CR2: variants seen among roughly 807,000 people sequenced by gnomAD.
The protein encoded by CR2 is complement C3d receptor 2.
In CR2, 96 loss-of-function variants were observed where a neutral mutation model predicts 123.0. The ratio of observed to expected loss-of-function variants is 0.78; its 90% CI spans 0.66 to 0.93. The LOEUF (loss-of-function observed/expected upper bound fraction) is 0.93. Ranked by LOEUF, CR2 falls within the 40% of genes least tolerant of loss-of-function variation. The probability of loss-of-function intolerance (pLI) is 0.00; values close to 1 mark genes in which losing one functional copy is unlikely to be tolerated. For synonymous variants in CR2, 484 were observed against 469.5 expected (o/e 1.03, Z -0.40); for missense variants, 1,258 against 1,361.0 (o/e 0.92, Z 1.19).
chr1:207,474,257 C>A lies in CR2; in HGVS notation c.2257C>A (p.His753Asn). 6.2e-7 allele frequency: 1 copy of A among 1,612,808 alleles called. No individual in the cohort carries two copies. The highest frequency in any genetic ancestry group is 1.1e-5 in the South Asian group (1 of 91,056). ...TCTCTGTAGGTACCAGTTGACTGGA[C>A]ATGCTTATCAGATGTGTCAAGATGC... Reference protein sequence around the residue: ...SCQDGYQLTGHAYQMCQDAEN... With the variant: ...SCQDGYQLTGNAYQMCQDAEN... Residue 753 changes from histidine (H) to asparagine (N), a missense_variant, in exon 13 of 20, where the codon CAT (histidine) becomes AAT (asparagine). By Grantham distance (68) the His-to-Asn change is moderately conservative (BLOSUM62 1). Transcript: ENST00000367057.
At chr1:207,478,341 A>G (rs1658499514) in intron 16 of CR2, among the ~76,000 whole-genome samples, 1 of 151,626 alleles carries the variant, frequency 6.6e-6, no homozygotes, top group Non-Finnish European at 1.5e-5. Flanking sequence ...TGGGCAATGT[A>G]GTGAGACCTG....
rs144121329 is a variant in CR2, at chr1:207,473,116, A to C, written c.1915A>C (p.Ser639Arg). The part of the protein sequence containing the change: ...KCYSGFTLKG[S>R]SQIRCKADNT... ...TTATAGTGGATTTACTTTGAAGGGC[A>C]GTAGTCAGATTCGTTGCAAAGCTGA... is the stretch of plus-strand genomic sequence containing the variant. Residue 639 changes from serine to arginine, a missense_variant, in exon 10 of 20, where the codon AGT (serine) becomes CGT (arginine). Transcript: ENST00000367057. 6.8e-6 allele frequency: 11 copies of C among 1,614,020 alleles called. No homozygotes were observed. The African/African-American group carries it at 1.2e-4, about 18-fold the overall frequency.
In CR2 at chr1:207,474,936, T is replaced by A; in HGVS notation, c.2436T>A (p.Tyr812Ter). The A allele has an allele frequency of 1.2e-6, 2 of 1,614,092 alleles. No homozygotes were observed. The highest frequency in any genetic ancestry group is 1.7e-6 in the Non-Finnish European group (2 of 1,179,986). Residue 812 changes from tyrosine to a stop codon, truncating the protein, a stop_gained, in exon 14 of 20, where the codon TAT (tyrosine) becomes TAA (stop). Transcript: ENST00000367057. LOFTEE classifies it high-confidence loss of function. Reference sequence around the variant, plus strand: ...CTTATGAATGTGACCAAGGATTCTATCTCCTGGGAGAGAAAAAATTGCAGT... The same window carrying A: ...CTTATGAATGTGACCAAGGATTCTAACTCCTGGGAGAGAAAAAATTGCAGT... ...EVSYECDQGF[Y>*]LLGEKKLQCR...
chr1:207,470,101 G>C lies in CR2; in HGVS notation c.1224G>C (p.Lys408Asn), dbSNP rs1459473951. 6.8e-6 allele frequency: 11 copies of C among 1,613,380 alleles called. No individual in the cohort carries two copies. The highest frequency in any genetic ancestry group is 9.3e-6 in the Non-Finnish European group (11 of 1,179,844). ...TWEPSAPVCE[K>N]ECQAPPNILN... Reference sequence around the variant, plus strand: ...AGCCATCTGCACCAGTCTGTGAAAAGGGTGAGTGTTCCGGTACTCAGAAAA... The same window carrying C: ...AGCCATCTGCACCAGTCTGTGAAAACGGTGAGTGTTCCGGTACTCAGAAAA... Residue 408 changes from lysine to asparagine, a missense_variant and splice_region_variant, in exon 6 of 20, where the codon AAG becomes AAC. By Grantham distance (94) the Lys-to-Asn change is moderately conservative. Coordinates refer to ENST00000367057, the MANE Select transcript of CR2 (RefSeq NM_001006658.3).
At position 207,464,192 on chromosome 1, in the gene CR2, G is replaced by A. The variant is rs1226238985; in HGVS notation, c.59-2334G>A. Among the ~76,000 whole-genome samples the A allele has an allele frequency of 5.3e-5, 8 of 152,012 alleles. No homozygotes were observed. In the East Asian group the frequency reaches 9.6e-4, roughly 18 times the overall value. On this transcript the variant is annotated intron_variant, in intron 1 of 19. Transcript: ENST00000367057. ...ACTGGTGACCAGCTCATAGCTTTTC[G>A]GTTTTTATCAGCCAGTTCCATATAT...
In CR2 at chr1:207,454,393, C is replaced by G; in HGVS notation, c.-26C>G. 6.4e-7 allele frequency: 1 copy of G among 1,564,348 alleles called. No homozygotes were observed. The highest frequency in any genetic ancestry group is 8.6e-7 in the Non-Finnish European group (1 of 1,161,658). ...GACGCTCGCGGGTCTCGGAACGCAT[C>G]CCGCCGCGGGGGCTTCGGCCGTGGC... On this transcript the variant is annotated 5_prime_UTR_variant, in exon 1 of 20. The change creates a new upstream start codon in the 5' untranslated region. Coordinates refer to ENST00000367057, the MANE Select transcript of CR2 (RefSeq NM_001006658.3). The surrounding 1 kb of genome is among the most constrained non-coding windows in gnomAD (Gnocchi z 4.3).
Position 207,470,060 on chromosome 1 carries a change from G to T in CR2, c.1183G>T (p.Ala395Ser), listed in dbSNP as rs1429343335. Reference protein sequence around the residue: ...LKGSKQIRCNAQGTWEPSAPV... With the variant: ...LKGSKQIRCNSQGTWEPSAPV... ...GGGCAGCAAGCAAATCCGATGCAAT[G>T]CCCAAGGCACATGGGAGCCATCTGC... The change falls in exon 6 of 20, where the codon GCC (alanine) becomes TCC (serine). Residue 395 changes from alanine to serine, a missense_variant. Transcript: ENST00000367057. 6.2e-7 allele frequency: 1 copy of T among 1,613,830 alleles called. No individual in the cohort carries two copies. The highest frequency in any genetic ancestry group is 8.5e-7 in the Non-Finnish European group (1 of 1,179,906).
intron 1 of CR2, among the ~76,000 whole-genome samples, chr1:207,461,047 A>G (rs557606471): frequency 6.6e-6 from 1 of 152,134 alleles, no homozygotes; most frequent in Non-Finnish European, 1.5e-5. Context: ...CTATCCTGGG[A>G]AAGTTTGTAT....
chr1:207,477,740 A>G, intron 15 of CR2, 145 bp from the exon 16 acceptor site: 2 of 702,768 alleles, frequency 2.8e-6, no homozygotes, highest in South Asian at 1.6e-5. Flanking sequence ...TGTCTAGGAT[A>G]TAGTCTTATC....
intron 1 of CR2, among the ~76,000 whole-genome samples, chr1:207,457,042 A>G (rs1657850526): frequency 6.6e-6 from 1 of 152,208 alleles, no homozygotes; most frequent in South Asian, 2.1e-4. Context: ...GGTACTCTCC[A>G]ATACAAAACT....
intron 9 of CR2, 26 bp from the exon 10 acceptor site, chr1:207,472,746 T>A (rs1314247238): frequency 1.9e-6 from 3 of 1,610,754 alleles, no homozygotes; most frequent in African/African-American, 1.3e-5. Flanking sequence ...GGAACTCAAT[T>A]CTACAGTATC....
chr1:207,480,178 T>A, intron 18 of CR2, 125 bp downstream of exon 18: 1 of 743,844 alleles, frequency 1.3e-6, no homozygotes, highest in Non-Finnish European at 2.4e-6. Context: ...CTAAATGAAG[T>A]ATCTCGTGCT....
At chr1:207,479,406 T>C (rs897247280) in intron 17 of CR2, 126 bp downstream of exon 17, 4 of 701,004 alleles carry the variant, frequency 5.7e-6, no homozygotes, top group African/African-American at 1.8e-5. Context: ...TTTTGGTGTT[T>C]TAAAGATACT....
intron 18 of CR2, among the ~76,000 whole-genome samples, chr1:207,480,954 A>AT (rs1380602069): frequency 2.1e-4 from 32 of 152,042 alleles, no homozygotes; most frequent in African/African-American, 7.2e-4. Context: ...AAGTCTATAG[A>AT]TAAATTTGTG....
rs773579040 is a variant in CR2 at position 207,469,787 on chromosome 1, A to C, written c.910A>C (p.Thr304Pro). 1.9e-6 allele frequency: 3 copies of C among 1,613,924 alleles called. No individual in the cohort carries two copies. The highest frequency in any genetic ancestry group is 2.5e-6 in the Non-Finnish European group (3 of 1,179,910). Residue 304 changes from threonine (T) to proline (P), a missense_variant, in exon 6 of 20, where the codon ACT becomes CCT. Physicochemically the swap from Thr to Pro is conservative, Grantham distance 38. Transcript: ENST00000367057. ...CTCATATGGAAGCATAGTCACTTAC[A>C]CTTGTGACCCGGACCCAGAGGAAGG... ...NVSYGSIVTYTCDPDPEEGVN... is the reference protein window; with the variant it reads ...NVSYGSIVTYPCDPDPEEGVN...
At position 207,471,338 on chromosome 1, in the gene CR2, G is replaced by A. The variant is rs182176991; in HGVS notation, c.1494-85G>A. ...GTTGCTATTGCTTCTTGGCCTGAAA[G>A]TAGTGAGTCTGCTTGGGAGCCATGG... On this transcript the variant is annotated intron_variant, in intron 8 of 19. Transcript: ENST00000367057. The A allele has an allele frequency of 2.5e-3, 2,752 of 1,088,198 alleles. 23 individuals carry two copies. Among genetic ancestry groups the A allele is most frequent in the Middle Eastern group, 9.0e-3 (46 of 5,088 alleles). 67.4% of individuals were successfully genotyped at this position (1,088,198 alleles called of 1,614,324 possible). A position where few individuals can be genotyped will look rare whatever the true frequency, so the allele number is the denominator to read the frequency against.
At position 207,463,806 on chromosome 1, in the gene CR2, A is replaced by G. The variant is rs1391538833; in HGVS notation, c.59-2720A>G. 2.0e-5 allele frequency among the ~76,000 whole-genome samples: 3 copies of G among 152,166 alleles called. 1 individual carries two copies. Among genetic ancestry groups the G allele is most frequent in the South Asian group, 4.1e-4 (2 of 4,834 alleles). On this transcript the variant is annotated intron_variant, in intron 1 of 19. Transcript: ENST00000367057. ...TCAGACAATATTGTAACCTGGGATA[A>G]TGACATGCCTTTTAATGAATGTAAG...
At chr1:207,478,618 A>G (rs1167921993) in intron 16 of CR2, among the ~76,000 whole-genome samples, 1 of 151,874 alleles carries the variant, frequency 6.6e-6, no homozygotes, top group Non-Finnish European at 1.5e-5. Context: ...AGGATGGGGA[A>G]AGTGAAGAAA....
chr1:207,467,478 CT>C, intron 2 of CR2, among the ~76,000 whole-genome samples: 1 of 152,018 alleles, frequency 6.6e-6, no homozygotes, highest in East Asian at 1.9e-4. Context: ...CATTCCTTCT[CT>C]TTTGGTTTGG....
Sources: allele counts gnomAD v4.1 joint callset (sites outside exome capture counted in the v4.1 genomes callset), GRCh38; gene constraint gnomAD v4.1.1; non-coding constraint Gnocchi (gnomAD v3.1); transcripts MANE v1.5; gene names NCBI Gene and HGNC (gene_info 2026-07-23, HGNC 2026-07-21).